The following EEPD1 variants were observed in gnomAD, a reference collection of about 807,000 sequenced individuals.
EEPD1 encodes endonuclease/exonuclease/phosphatase family domain-containing protein 1.
In EEPD1, 17 loss-of-function variants were observed where a neutral mutation model predicts 46.3. The observed-to-expected ratio is 0.37, with a 90% CI of 0.25 to 0.55. The LOEUF (loss-of-function observed/expected upper bound fraction) is 0.55. Among genes scored for constraint, EEPD1 ranks in the 20% least tolerant of loss-of-function variants. The probability of loss-of-function intolerance (pLI) is 0.83; values close to 1 mark genes in which losing one functional copy is unlikely to be tolerated. For missense variants in EEPD1, 673 were observed against 745.6 expected, an observed-to-expected ratio of 0.90 and a Z score of 1.13; for synonymous variants, 313 against 315.6, an observed-to-expected ratio of 0.99 and a Z score of 0.09.
chr7:36,236,910 C>G (rs1452094653), intron 2 of EEPD1, among the ~76,000 whole-genome samples: 2 of 152,204 alleles, frequency 1.3e-5, no homozygotes, highest in African/African-American at 4.8e-5. Context: ...AAGCAGGCCC[C>G]CTAGCCAGCA....
chr7:36,227,073 AG>A lies in EEPD1; in HGVS notation c.879-11905del, dbSNP rs368533136. Among the ~76,000 whole-genome samples, 15 of 152,120 alleles carry A rather than the reference AG, an allele frequency of 9.9e-5. No individual in the cohort carries two copies. The East Asian group carries it at 1.5e-3, about 16-fold the overall frequency. On this transcript the variant is annotated intron_variant, in intron 2 of 7. Coordinates refer to ENST00000242108, the MANE Select transcript of EEPD1 (RefSeq NM_030636.3). ...AATATCTACCCATCTTAAAGAAGGG[AG>A]GGGGGGTGGCCAGAAACAGATGCAG... is the stretch of plus-strand genomic sequence containing the variant.
At chr7:36,172,809 A>T (rs201111943) in intron 2 of EEPD1, among the ~76,000 whole-genome samples, 1 of 7,050 alleles carries the variant, frequency 1.4e-4, no homozygotes, top group Non-Finnish European at 1.1e-3. Context: ...AACCAAACCC[A>T]AAAAAAAGGA....
chr7:36,179,076 C>G (rs1785230696), intron 2 of EEPD1, among the ~76,000 whole-genome samples: 1 of 152,292 alleles, frequency 6.6e-6, no homozygotes, highest in Admixed American at 6.5e-5. Context: ...TGCAAACCAA[C>G]TTTTTCTTAC....
At chr7:36,158,495 G>C (rs559007133) in intron 2 of EEPD1, among the ~76,000 whole-genome samples, 1 of 152,328 alleles carries the variant, frequency 6.6e-6, no homozygotes, top group South Asian at 2.1e-4. Flanking sequence ...ATGGGAGTTA[G>C]AGTCTTCTCT....
chr7:36,198,732 C>T (rs1162698226), intron 2 of EEPD1, among the ~76,000 whole-genome samples: 1 of 152,164 alleles, frequency 6.6e-6, no homozygotes. Context: ...TCTGTCAATA[C>T]ACAATTTCTG....
intron 2 of EEPD1, among the ~76,000 whole-genome samples, chr7:36,215,266 C>G (rs920970004): frequency 6.6e-6 from 1 of 152,226 alleles, no homozygotes; most frequent in Non-Finnish European, 1.5e-5. Context: ...GGCGCCTTGG[C>G]GCCATGCGGG....
intron 2 of EEPD1, among the ~76,000 whole-genome samples, chr7:36,216,922 G>A (rs1308844398): frequency 1.3e-5 from 2 of 152,166 alleles, no homozygotes; most frequent in Non-Finnish European, 2.9e-5. Context: ...TAATTCCTAG[G>A]TAGCAGAATT....
intron 4 of EEPD1, among the ~76,000 whole-genome samples, chr7:36,283,148 A>T (rs547181494): frequency 1.3e-5 from 2 of 152,284 alleles, no homozygotes; most frequent in South Asian, 4.1e-4. Flanking sequence ...TTGCAATGTG[A>T]GGTGCTCGGA....
chr7:36,161,461 G>A (rs1784900097), intron 2 of EEPD1, among the ~76,000 whole-genome samples: 1 of 151,888 alleles, frequency 6.6e-6, no homozygotes, highest in Non-Finnish European at 1.5e-5. Context: ...GTGGATGGGT[G>A]GTTGGAGTCT....
intron 4 of EEPD1, among the ~76,000 whole-genome samples, chr7:36,281,833 C>T (rs1177007670): frequency 6.6e-6 from 1 of 152,106 alleles, no homozygotes; most frequent in East Asian, 1.9e-4. Flanking sequence ...TAAACAGACT[C>T]CTGATAATAA....
chr7:36,181,555 G>A (rs867801224), intron 2 of EEPD1, among the ~76,000 whole-genome samples: 2 of 152,258 alleles, frequency 1.3e-5, no homozygotes, highest in Non-Finnish European at 2.9e-5. Flanking sequence ...AGCACCTGGA[G>A]TTGGCCTGTA....
In EEPD1 at chr7:36,287,857, A is replaced by G. The variant is rs1431331723; in HGVS notation, c.1315+80A>G. ...TGCCTCTTCTGAGCCATCTCTGACC[A>G]CTTGGGCTGGCTGTTTGTCAGCAAT... On this transcript the variant is annotated intron_variant, in intron 6 of 7. Coordinates refer to ENST00000242108, the MANE Select transcript of EEPD1 (RefSeq NM_030636.3). 7.8e-6 allele frequency: 12 copies of G among 1,544,474 alleles called. No homozygotes were observed. The East Asian group carries it at 1.2e-4, about 15-fold the overall frequency.
At chr7:36,278,603 G>T (rs1010675185) in intron 3 of EEPD1, among the ~76,000 whole-genome samples, 24 of 152,158 alleles carry the variant, frequency 1.6e-4, no homozygotes, top group African/African-American at 5.3e-4. Context: ...GAGGAAAACA[G>T]TGAAGCACCA....
rs939224627 is a variant in EEPD1, at chr7:36,212,086, T to C, written c.879-26899T>C. Reference sequence around the variant, plus strand: ...AAAGGGAAGGTCATTTATATCTCAATAGAAAAATTAGCCAAAGGAAAGATA... The same window carrying C: ...AAAGGGAAGGTCATTTATATCTCAACAGAAAAATTAGCCAAAGGAAAGATA... On this transcript the variant is annotated intron_variant, in intron 2 of 7. Coordinates refer to ENST00000242108, the MANE Select transcript of EEPD1 (RefSeq NM_030636.3). Among the ~76,000 whole-genome samples, 4 of 152,078 alleles carry C rather than the reference T, an allele frequency of 2.6e-5. No homozygotes were observed. The South Asian group carries it at 6.2e-4, about 24-fold the overall frequency.
rs1390511236 is a variant in EEPD1, at chr7:36,244,887, C to T, written c.930+5851C>T. 2.7e-5 allele frequency among the ~76,000 whole-genome samples: 4 copies of T among 150,838 alleles called. No individual in the cohort carries two copies. In the Admixed American group the frequency reaches 2.7e-4, roughly 10 times the overall value. Reference sequence around the variant, plus strand: ...TCCTGAGTTCGAGCAATTCTCCTGCCTCAGCCTCCTGAGTAGCTGGGATTA... The same window carrying T: ...TCCTGAGTTCGAGCAATTCTCCTGCTTCAGCCTCCTGAGTAGCTGGGATTA... On this transcript the variant is annotated intron_variant, in intron 3 of 7. Transcript: ENST00000242108.
chr7:36,206,838 C>T (rs949708605), intron 2 of EEPD1, among the ~76,000 whole-genome samples: 1 of 152,096 alleles, frequency 6.6e-6, no homozygotes, highest in Non-Finnish European at 1.5e-5. Flanking sequence ...CAGCTGAGGC[C>T]AGCAGTTTGA....
At chr7:36,230,881 T>G (rs754757150) in intron 2 of EEPD1, 1 of 152,224 alleles carries the variant, frequency 6.6e-6, no homozygotes, top group Non-Finnish European at 1.5e-5. Flanking sequence ...CATATAGCAT[T>G]CATTGTCTGT....
intron 3 of EEPD1, among the ~76,000 whole-genome samples, chr7:36,240,050 C>A (rs780716184): frequency 1.3e-5 from 2 of 152,148 alleles, no homozygotes; most frequent in Non-Finnish European, 2.9e-5. Context: ...TGGAGGGTTG[C>A]TTGAGCCCAG....
chr7:36,155,533 C>G (rs1053078448), intron 2 of EEPD1, among the ~76,000 whole-genome samples: 1 of 152,136 alleles, frequency 6.6e-6, no homozygotes, highest in Admixed American at 6.5e-5. Context: ...AGCATGGGAA[C>G]TGGTGCAGTT....
Sources: gnomAD v4.1 joint callset for allele counts (sites outside exome capture counted in the v4.1 genomes callset) on GRCh38, gnomAD v4.1.1 for gene constraint, MANE v1.5 for transcripts, NCBI Gene and HGNC (gene_info 2026-07-23, HGNC 2026-07-21) for gene names.